HMGCLL1: variants seen among roughly 807,000 people sequenced by gnomAD.
The protein encoded by HMGCLL1 is 3-hydroxymethyl-3-methylglutaryl-CoA lyase, cytoplasmic.
Under a neutral mutation model 39.1 loss-of-function variants are expected in HMGCLL1, and 36 were observed. The ratio of observed to expected loss-of-function variants is 0.92; its 90% CI spans 0.71 to 1.22. The LOEUF is 1.22. Ranked by LOEUF, HMGCLL1 falls within the 50% of genes most tolerant of loss-of-function variation. The pLI is 0.00. For synonymous variants in HMGCLL1, 149 were observed against 144.0 expected, an observed-to-expected ratio of 1.03 and a Z score of -0.25; for missense variants, 451 against 416.5, an observed-to-expected ratio of 1.08 and a Z score of -0.72.
intron 7 of HMGCLL1, among the ~76,000 whole-genome samples, chr6:55,451,978 T>G (rs1581794820): frequency 6.6e-6 from 1 of 152,182 alleles, no homozygotes; most frequent in East Asian, 1.9e-4. Flanking sequence ...GCATATGGCA[T>G]AATACCTAGA....
the HMGCLL1 span, among the ~76,000 whole-genome samples, chr6:55,640,487 ATATAT>A: frequency 1.3e-5 from 2 of 151,868 alleles, no homozygotes; most frequent in Admixed American, 6.6e-5. Context: ...GTATAAAGAA[ATATAT>A]TAATTAATTA....
chr6:55,612,672 A>G, the HMGCLL1 span, among the ~76,000 whole-genome samples: 1 of 152,168 alleles, frequency 6.6e-6, no homozygotes, highest in Admixed American at 6.5e-5. Flanking sequence ...CTGATCTTTG[A>G]CAAACCTGAC....
intron 1 of HMGCLL1, among the ~76,000 whole-genome samples, chr6:55,564,561 T>G (rs556887328): frequency 6.6e-6 from 1 of 152,178 alleles, no homozygotes; most frequent in African/African-American, 2.4e-5. Flanking sequence ...TATTCAGTGG[T>G]TTGAAGCAAA....
At chr6:55,440,431 A>G (rs1763544261) in intron 7 of HMGCLL1, among the ~76,000 whole-genome samples, 1 of 152,066 alleles carries the variant, frequency 6.6e-6, no homozygotes, top group Non-Finnish European at 1.5e-5. Context: ...ATGATTATGC[A>G]CTTGGGGATA....
intron 1 of HMGCLL1, among the ~76,000 whole-genome samples, chr6:55,575,746 G>A (rs1297099490): frequency 6.6e-6 from 1 of 150,824 alleles, no homozygotes. Context: ...ACTACTATGA[G>A]GTCCTATGAG....
chr6:55,452,053 A>G (rs1373892408), intron 7 of HMGCLL1, among the ~76,000 whole-genome samples: 1 of 152,232 alleles, frequency 6.6e-6, no homozygotes, highest in Non-Finnish European at 1.5e-5. Context: ...GTATGGCACA[A>G]TACTGTATGT....
the HMGCLL1 span, among the ~76,000 whole-genome samples, chr6:55,660,991 C>T: frequency 6.6e-6 from 1 of 151,872 alleles, no homozygotes; most frequent in South Asian, 2.1e-4. Context: ...TTTCCATTTG[C>T]TTGTTGACCA....
At chr6:55,451,383 G>A (rs1764073239) in intron 7 of HMGCLL1, among the ~76,000 whole-genome samples, 1 of 152,102 alleles carries the variant, frequency 6.6e-6, no homozygotes, top group South Asian at 2.1e-4. Flanking sequence ...AGCACTTTGG[G>A]AGACTGAGGC....
the HMGCLL1 span, among the ~76,000 whole-genome samples, chr6:55,606,708 G>T: frequency 2.6e-5 from 4 of 151,902 alleles, no homozygotes; most frequent in African/African-American, 9.7e-5. Context: ...ATATATATTT[G>T]TCCAAATCCC....
chr6:55,554,302 G>A (rs2127466686), intron 1 of HMGCLL1, among the ~76,000 whole-genome samples: 1 of 152,152 alleles, frequency 6.6e-6, no homozygotes, highest in Middle Eastern at 3.4e-3. Context: ...TCACCCCAGG[G>A]AGTTTCTTTG....
intron 3 of HMGCLL1, among the ~76,000 whole-genome samples, chr6:55,519,563 A>G (rs973714934): frequency 3.3e-5 from 5 of 152,132 alleles, no homozygotes; most frequent in African/African-American, 1.2e-4. Context: ...ATGTGCATGC[A>G]CACACAAATT....
chr6:55,654,298 CTG>C, the HMGCLL1 span, among the ~76,000 whole-genome samples: 28 of 151,238 alleles, frequency 1.9e-4, no homozygotes, highest in Middle Eastern at 7.0e-3. Flanking sequence ...ACAAATTTAA[CTG>C]TGTTTATCTT....
At chr6:55,537,416 C>G (rs1054110328) in intron 3 of HMGCLL1, among the ~76,000 whole-genome samples, 2 of 152,096 alleles carry the variant, frequency 1.3e-5, no homozygotes, top group African/African-American at 4.8e-5. Context: ...ATTTGAAAGG[C>G]AAAATATCTT....
At chr6:55,659,010 AG>A in the HMGCLL1 span, among the ~76,000 whole-genome samples, 1 of 151,954 alleles carries the variant, frequency 6.6e-6, no homozygotes, top group Admixed American at 6.6e-5. Flanking sequence ...AGACAAATTA[AG>A]AGGCCAAGTT....
At chr6:55,578,867 G>A in intron 1 of HMGCLL1, 81 bp downstream of exon 1, 2 of 985,610 alleles carry the variant, frequency 2.0e-6, no homozygotes, top group East Asian at 2.6e-5. Context: ...AAGGGAGGAG[G>A]GCACCAAGAG....
intron 1 of HMGCLL1, among the ~76,000 whole-genome samples, chr6:55,556,934 C>T (rs756523274): frequency 5.3e-5 from 8 of 152,074 alleles, no homozygotes; most frequent in African/African-American, 1.2e-4. Context: ...AGAATACTTA[C>T]GAGAGGGAAA....
the HMGCLL1 span, among the ~76,000 whole-genome samples, chr6:55,606,590 A>C: frequency 6.6e-6 from 1 of 152,134 alleles, no homozygotes; most frequent in South Asian, 2.1e-4. Context: ...ATATTTAGGC[A>C]GATATTTTTA....
chr6:55,545,226 A>AG (rs70986731), intron 1 of HMGCLL1, among the ~76,000 whole-genome samples: 77,079 of 142,948 alleles, frequency 0.54, 21,537 homozygotes, highest in Admixed American at 0.6. Context: ...AAAAAAAAAA[A>AG]AAGAAGAAAA....
chr6:55,546,601 A>G (rs184267298), intron 1 of HMGCLL1, among the ~76,000 whole-genome samples: 2 of 152,262 alleles, frequency 1.3e-5, no homozygotes, highest in African/African-American at 4.8e-5. Flanking sequence ...AGTGCTATAG[A>G]GATCTGGAAG....
Sources: allele counts gnomAD v4.1 joint callset (sites outside exome capture counted in the v4.1 genomes callset), GRCh38; gene constraint gnomAD v4.1.1; transcripts MANE v1.5; gene names NCBI Gene and HGNC (gene_info 2026-07-23, HGNC 2026-07-21).